SPATA16: variants seen among roughly 807,000 people sequenced by gnomAD.
The protein encoded by SPATA16 is spermatogenesis-associated protein 16.
In SPATA16, 36 loss-of-function variants were observed where a neutral mutation model predicts 63.3. That is an observed-to-expected ratio of 0.57 (90% CI 0.44 to 0.75). SPATA16 has a LOEUF of 0.75. Among genes scored for constraint, SPATA16 ranks in the 30% least tolerant of loss-of-function variants. SPATA16 has a pLI of 0.00. For missense variants in SPATA16, 646 were observed against 679.3 expected (o/e 0.95, Z 0.54); for synonymous variants, 203 against 216.7 (o/e 0.94, Z 0.56).
intron 2 of SPATA16, among the ~76,000 whole-genome samples, chr3:173,068,864 A>G (rs1440154349): frequency 1.3e-5 from 2 of 150,590 alleles, no homozygotes; most frequent in Non-Finnish European, 3.0e-5. Context: ...TAATCCCAGC[A>G]CTTTGGAAGG....
At chr3:172,923,739 A>T (rs1420151752) in intron 8 of SPATA16, among the ~76,000 whole-genome samples, 3 of 152,224 alleles carry the variant, frequency 2.0e-5, no homozygotes, top group South Asian at 2.1e-4. Flanking sequence ...TTATGGCTAT[A>T]TAAAGATCAA....
At chr3:173,033,864 C>G (rs1324203855) in intron 3 of SPATA16, among the ~76,000 whole-genome samples, 2 of 152,040 alleles carry the variant, frequency 1.3e-5, no homozygotes, top group African/African-American at 2.4e-5. Context: ...ACCACCACGC[C>G]TGGCTAATTT....
chr3:173,097,807 A>T (rs952859423), intron 2 of SPATA16, among the ~76,000 whole-genome samples: 2 of 152,202 alleles, frequency 1.3e-5, no homozygotes, highest in African/African-American at 2.4e-5. Context: ...GAAAAAGTTT[A>T]TTAAAGACAA....
At position 172,909,382 on chromosome 3, in the gene SPATA16, T is replaced by G. The variant is rs529833867; in HGVS notation, c.1587+4279A>C. On this transcript the variant is annotated intron_variant, in intron 10 of 10. Coordinates refer to ENST00000351008, the MANE Select transcript of SPATA16 (RefSeq NM_031955.6). ...TTGATGAGTGGAATGTGGTGGGATT[T>G]GCTGTGCAAGTTCTAGGCTTACCCT... Among the ~76,000 whole-genome samples, 94 of 152,346 alleles carry G rather than the reference T, an allele frequency of 6.2e-4. 1 individual carries two copies. Among genetic ancestry groups the G allele is most frequent in the African/African-American group, 2.2e-3 (92 of 41,586 alleles).
chr3:172,935,686 C>T (rs1732973054), intron 6 of SPATA16, among the ~76,000 whole-genome samples: 1 of 152,044 alleles, frequency 6.6e-6, no homozygotes, highest in Admixed American at 6.5e-5. Context: ...AAGGTGAAAT[C>T]GGGGTATCAG....
At chr3:173,124,391 TAGTAAG>T (rs1738171628) in intron 1 of SPATA16, among the ~76,000 whole-genome samples, 1 of 152,202 alleles carries the variant, frequency 6.6e-6, no homozygotes, top group African/African-American at 2.4e-5. Context: ...AAGCTGAACT[TAGTAAG>T]AGAAGAGGTT....
chr3:173,072,365 G>A (rs2108308002), intron 2 of SPATA16, among the ~76,000 whole-genome samples: 1 of 152,120 alleles, frequency 6.6e-6, no homozygotes, highest in East Asian at 1.9e-4. Flanking sequence ...CTAAACATTG[G>A]GTACTCATGA....
At chr3:172,969,609 G>A (rs1209866847) in intron 5 of SPATA16, among the ~76,000 whole-genome samples, 1 of 152,154 alleles carries the variant, frequency 6.6e-6, no homozygotes, top group African/African-American at 2.4e-5. Context: ...GTGTTTAAGA[G>A]CCACTAACCT....
At chr3:173,082,978 G>A (rs1296643425) in intron 2 of SPATA16, among the ~76,000 whole-genome samples, 1 of 151,886 alleles carries the variant, frequency 6.6e-6, no homozygotes, top group African/African-American at 2.4e-5. Flanking sequence ...CATCAATTAG[G>A]TATTTATAAA....
At chr3:173,003,191 G>A (rs1051342850) in intron 4 of SPATA16, among the ~76,000 whole-genome samples, 7 of 152,094 alleles carry the variant, frequency 4.6e-5, no homozygotes, top group Non-Finnish European at 1.0e-4. Flanking sequence ...AATATTTGAT[G>A]ATGAAAGACA....
intron 3 of SPATA16, among the ~76,000 whole-genome samples, chr3:173,021,722 T>TTTTATTTTTTTA (rs1553794055): frequency 7.2e-6 from 1 of 139,656 alleles, no homozygotes; most frequent in African/African-American, 2.6e-5. Flanking sequence ...CCCTATTACT[T>TTTTATTTTTTTA]TTTATTTATT....
At chr3:172,952,909 C>T (rs1306374618) in intron 6 of SPATA16, among the ~76,000 whole-genome samples, 3 of 131,472 alleles carry the variant, frequency 2.3e-5, no homozygotes, top group Non-Finnish European at 4.6e-5. Context: ...CACTGCACTA[C>T]AGCCTGGCAA....
At chr3:173,083,673 T>C (rs1019049683) in intron 2 of SPATA16, among the ~76,000 whole-genome samples, 5 of 152,152 alleles carry the variant, frequency 3.3e-5, no homozygotes, top group African/African-American at 9.7e-5. Context: ...CAGTGTGTGT[T>C]GTTCCCTTCC....
intron 1 of SPATA16, among the ~76,000 whole-genome samples, chr3:173,118,361 T>A (rs544430236): frequency 6.6e-6 from 1 of 152,210 alleles, no homozygotes; most frequent in South Asian, 2.1e-4. Flanking sequence ...TACAGAAATG[T>A]GAGCCATAGA....
intron 5 of SPATA16, among the ~76,000 whole-genome samples, chr3:172,966,304 C>T (rs558364999): frequency 5.3e-5 from 8 of 152,290 alleles, no homozygotes; most frequent in African/African-American, 1.9e-4. Flanking sequence ...TACAGCAGGC[C>T]AACCTCCACC....
intron 5 of SPATA16, among the ~76,000 whole-genome samples, chr3:172,961,673 C>A (rs974685666): frequency 1.3e-5 from 2 of 152,122 alleles, no homozygotes; most frequent in Admixed American, 1.3e-4. Context: ...GGATTACAGG[C>A]GTGAGCCACC....
At chr3:173,056,473 C>T (rs994668293) in intron 2 of SPATA16, among the ~76,000 whole-genome samples, 5 of 151,926 alleles carry the variant, frequency 3.3e-5, no homozygotes, top group Admixed American at 6.6e-5. Context: ...GAGGCCGAGG[C>T]GGGTGGATCG....
intron 7 of SPATA16, 46 bp from the exon 8 acceptor site, chr3:172,924,363 C>T (rs1217516765): frequency 2.1e-6 from 3 of 1,437,200 alleles, no homozygotes; most frequent in Admixed American, 1.7e-5. Flanking sequence ...CTCCAGACTT[C>T]CATTTCAAAA....
intron 4 of SPATA16, among the ~76,000 whole-genome samples, chr3:172,988,216 C>T (rs1024940929): frequency 6.6e-6 from 1 of 152,138 alleles, no homozygotes; most frequent in Non-Finnish European, 1.5e-5. Flanking sequence ...AGCCTACAAA[C>T]ATCTGTTTTA....
Sources: allele counts gnomAD v4.1 joint callset (sites outside exome capture counted in the v4.1 genomes callset), GRCh38; gene constraint gnomAD v4.1.1; transcripts MANE v1.5; gene names NCBI Gene and HGNC (gene_info 2026-07-23, HGNC 2026-07-21).